The following UTY variants were observed in gnomAD, a reference collection of about 807,000 sequenced individuals.
UTY encodes histone demethylase UTY.
A neutral mutation model predicts 32.5 loss-of-function variants in UTY; 12 were observed. That is an observed-to-expected ratio of 0.37 (90% confidence interval 0.24 to 0.60). The LOEUF is 0.60. Ranked by LOEUF, UTY falls within the 20% of genes least tolerant of loss-of-function variation. The probability of loss-of-function intolerance (pLI) is 0.69; values close to 1 mark genes in which losing one functional copy is unlikely to be tolerated. For missense variants in UTY, 303 were observed against 299.2 expected (o/e 1.01, Z -0.09); for synonymous variants, 131 against 103.4 (o/e 1.27, Z -1.62).
intron 27 of UTY, among the ~76,000 whole-genome samples, chrY:13,263,591 G>A: frequency 5.9e-5 from 2 of 33,634 alleles, no homozygotes; most frequent in South Asian, 1.3e-3. Flanking sequence ...CAAAAATGTA[G>A]TGTTGACATT....
At chrY:13,387,903 A>G (rs2067082347) in intron 8 of UTY, among the ~76,000 whole-genome samples, 1 of 34,056 alleles carries the variant, frequency 2.9e-5, no homozygotes, top group Non-Finnish European at 7.3e-5. Context: ...TTCATCATTT[A>G]TGTTCTGCTA....
chrY:13,392,102 C>A (rs746553834), intron 8 of UTY, among the ~76,000 whole-genome samples: 1 of 33,519 alleles, frequency 3.0e-5, no homozygotes, highest in Admixed American at 2.7e-4. Context: ...GAGTTCAAGG[C>A]TGCAGTAAAC....
chrY:13,346,984 T>C (rs773650256), intron 17 of UTY, among the ~76,000 whole-genome samples: 7 of 33,200 alleles, frequency 2.1e-4, no homozygotes, highest in African/African-American at 7.1e-4. Flanking sequence ...CAAGAAGAAA[T>C]AGCTAATTGT....
chrY:13,442,920 C>T (rs2149988609), intron 4 of UTY, among the ~76,000 whole-genome samples: 1 of 32,986 alleles, frequency 3.0e-5, no homozygotes, highest in East Asian at 8.3e-4. Flanking sequence ...GCCAGAGAGC[C>T]AGTGTGCTCC....
intron 3 of UTY, among the ~76,000 whole-genome samples, chrY:13,453,273 C>A: frequency 2.1e-4 from 7 of 33,276 alleles, no homozygotes; most frequent in Non-Finnish European, 4.5e-4. Flanking sequence ...TGAGGCTGGT[C>A]CCCCAACTCA....
intron 26 of UTY, 64 bp from the exon 27 acceptor site, chrY:13,297,912 T>A: frequency 3.9e-6 from 1 of 258,198 alleles, no homozygotes; most frequent in Non-Finnish European, 6.2e-6. Flanking sequence ...AAGATAACCA[T>A]CATTTATCAC....
intron 26 of UTY, among the ~76,000 whole-genome samples, chrY:13,298,679 G>A: frequency 3.9e-5 from 1 of 25,533 alleles, no homozygotes; most frequent in Non-Finnish European, 9.0e-5. Flanking sequence ...GCATGAACCC[G>A]GGAGGTGGAG....
At chrY:13,372,364 C>T in intron 8 of UTY, among the ~76,000 whole-genome samples, 1 of 33,247 alleles carries the variant, frequency 3.0e-5, no homozygotes, top group Non-Finnish European at 7.5e-5. Context: ...AAATAGTGTT[C>T]TAAACAAATG....
intron 12 of UTY, 122 bp from the exon 13 acceptor site, chrY:13,359,344 T>C: frequency 1.3e-5 from 3 of 226,729 alleles, no homozygotes; most frequent in Admixed American, 2.3e-4. Context: ...GGATTTTAGG[T>C]AGATGTTAAA....
At chrY:13,339,803 G>A (rs2061369800) in intron 17 of UTY, among the ~76,000 whole-genome samples, 1 of 32,786 alleles carries the variant, frequency 3.1e-5, no homozygotes, top group Non-Finnish European at 7.5e-5. Flanking sequence ...CAGTTCCACG[G>A]CTGCAGTGAG....
chrY:13,355,455 A>T, intron 16 of UTY, 57 bp from the exon 17 acceptor site: 1 of 365,101 alleles, frequency 2.7e-6, no homozygotes, highest in Non-Finnish European at 3.9e-6. Flanking sequence ...TAGTTCATAC[A>T]TCTCTAATTT....
chrY:13,278,418 T>C, intron 27 of UTY, among the ~76,000 whole-genome samples: 1 of 32,796 alleles, frequency 3.0e-5, no homozygotes, highest in African/African-American at 1.2e-4. Flanking sequence ...GTGGCCACAG[T>C]TGGGTAGAGC....
intron 27 of UTY, among the ~76,000 whole-genome samples, chrY:13,296,391 G>C: frequency 3.0e-5 from 1 of 33,322 alleles, no homozygotes; most frequent in African/African-American, 1.2e-4. Context: ...TTTTCCAATG[G>C]GCTTGAAGAT....
In UTY at chrY:13,396,910, A is replaced by G. The variant is rs1445708724; in HGVS notation, c.610+8T>C. ...TTACTCAAAAGTATTTCATTTAAAA[A>G]TACTTACTTTCAGCATTGGACAAAG... On this transcript the variant is annotated splice_region_variant and intron_variant, in intron 7 of 29. Coordinates refer to ENST00000545955, the MANE Select transcript of UTY (RefSeq NM_001258249.2). 1 of 344,967 alleles carries G rather than the reference A, an allele frequency of 2.9e-6. No individual in the cohort carries two copies. Among genetic ancestry groups the G allele is most frequent in the Non-Finnish European group, 4.1e-6 (1 of 246,406 alleles). 86.0% of individuals were successfully genotyped at this position (344,967 alleles called of 400,897 possible). A position where few individuals can be genotyped will look rare whatever the true frequency, so the allele number is the denominator to read the frequency against.
At position 13,470,233 on chromosome Y, in the gene UTY, G is replaced by C; in HGVS notation, c.217-4C>G. On this transcript the variant is annotated splice_region_variant and splice_polypyrimidine_tract_variant and intron_variant, in intron 2 of 29. Transcript: ENST00000545955. ...AAGATTCGTAGCAGCGAACAGCCTA[G>C]AAATAAAAATTATAAACATTAAGAA... 2.6e-6 allele frequency: 1 copy of C among 383,620 alleles called. No homozygotes were observed. Among genetic ancestry groups the C allele is most frequent in the Non-Finnish European group, 3.7e-6 (1 of 273,457 alleles).
At chrY:13,403,576 G>T (rs940098116) in intron 6 of UTY, among the ~76,000 whole-genome samples, 2 of 33,518 alleles carry the variant, frequency 6.0e-5, no homozygotes, top group Admixed American at 2.7e-4. Flanking sequence ...ACAGGCATGA[G>T]CCACTATGCC....
intron 27 of UTY, among the ~76,000 whole-genome samples, chrY:13,280,389 C>CA (rs2056938196): frequency 6.5e-5 from 2 of 30,665 alleles, no homozygotes; most frequent in Non-Finnish European, 1.6e-4. Context: ...AACTCTGTCT[C>CA]AAAAAAAAAG....
At chrY:13,305,948 G>A in intron 23 of UTY, 90 bp downstream of exon 23, 2 of 262,300 alleles carry the variant, frequency 7.6e-6, no homozygotes, top group Admixed American at 1.1e-4. Context: ...ATTAGGAATA[G>A]AAAAAAAACA....
intron 24 of UTY, 132 bp from the exon 25 acceptor site, chrY:13,303,123 T>C: frequency 4.9e-5 from 6 of 123,635 alleles, no homozygotes; most frequent in South Asian, 4.1e-4. Context: ...GAACATAATA[T>C]GCAATACATA....
Sources: allele counts gnomAD v4.1 joint callset (sites outside exome capture counted in the v4.1 genomes callset), GRCh38; gene constraint gnomAD v4.1.1; transcripts MANE v1.5; gene names NCBI Gene and HGNC (gene_info 2026-07-23, HGNC 2026-07-21).